Variants in MAP3K15 observed in about 807,000 individuals in gnomAD.
MAP3K15 encodes mitogen-activated protein kinase kinase kinase 15.
In MAP3K15, 124 loss-of-function variants were observed where a neutral mutation model predicts 99.5. The observed-to-expected ratio is 1.25, with a 90% CI of 1.08 to 1.45. The LOEUF is 1.45. Ranked by LOEUF, MAP3K15 falls within the 40% of genes most tolerant of loss-of-function variation. The pLI, the probability that MAP3K15 is intolerant of heterozygous loss-of-function variation, is 0.00. For synonymous variants in MAP3K15, 494 were observed against 439.6 expected (o/e 1.12, Z -1.55); for missense variants, 1,242 against 1,079.7 (o/e 1.15, Z -2.11).
intron 6 of MAP3K15, among the ~76,000 whole-genome samples, chrX:19,451,819 T>G (rs1037684653): frequency 9.1e-5 from 10 of 109,395 alleles, no homozygotes; most frequent in African/African-American, 3.3e-4. Context: ...ATCTCAGCAC[T>G]TTGGGAGGTT....
intron 1 of MAP3K15, among the ~76,000 whole-genome samples, chrX:19,505,124 G>T (rs899822811): frequency 1.8e-5 from 2 of 110,356 alleles, no homozygotes; most frequent in Admixed American, 2.0e-4. Context: ...CATGAAGGAA[G>T]ATAAAATGTC....
rs182589249 is a variant in MAP3K15 at position 19,415,175 on chromosome X, G to T, written c.1522C>A (p.Arg508=). 1 of 1,178,388 alleles carries T rather than the reference G, an allele frequency of 8.5e-7. No homozygotes were observed. The highest frequency in any genetic ancestry group is 2.3e-5 in the Admixed American group (1 of 42,574). ...ATTATATCTAACCAGAAGTTCAGCC[G>T]CTCTTGCCTGGGCGAGTGTTCAATA... ...TIIEHSPRQE[R]LNFWLDIIFE... is the part of the protein sequence containing the mutation. Residue 508 remains arginine (R), a synonymous_variant, in exon 10 of 29, where the codon CGG becomes AGG. Transcript: ENST00000338883.
intron 1 of MAP3K15, chrX:19,496,732 C>T (rs1478497131): frequency 1.8e-5 from 2 of 111,532 alleles, no homozygotes; most frequent in East Asian, 5.6e-4. Flanking sequence ...AGGGAACCAT[C>T]GCTTTTACAT....
intron 13 of MAP3K15, among the ~76,000 whole-genome samples, chrX:19,403,219 T>C (rs1239189266): frequency 9.0e-6 from 1 of 110,942 alleles, no homozygotes; most frequent in East Asian, 2.8e-4. Context: ...TACAAACTTG[T>C]TTATACGTTA....
intron 6 of MAP3K15, among the ~76,000 whole-genome samples, chrX:19,447,026 C>G (rs1012520959): frequency 9.0e-6 from 1 of 111,037 alleles, no homozygotes; most frequent in Non-Finnish European, 1.9e-5. Context: ...TGCGCTACTC[C>G]TGCCTCAGTC....
chrX:19,374,772 C>A, intron 19 of MAP3K15, 112 bp from the exon 20 acceptor site: 2 of 662,185 alleles, frequency 3.0e-6, no homozygotes, highest in South Asian at 3.4e-5. Context: ...CAGGCATAAT[C>A]CATGCCCCCT....
chrX:19,490,883 C>T (rs976166039), intron 1 of MAP3K15, among the ~76,000 whole-genome samples: 2 of 111,473 alleles, frequency 1.8e-5, no homozygotes, highest in Admixed American at 1.9e-4. Context: ...TATGGGGCAC[C>T]GTTTTAAAAC....
At chrX:19,492,597 C>T (rs974493190) in intron 1 of MAP3K15, among the ~76,000 whole-genome samples, 4 of 111,432 alleles carry the variant, frequency 3.6e-5, no homozygotes, top group Admixed American at 1.9e-4. Flanking sequence ...CAAGATAATG[C>T]GCCACTGCAG....
At chrX:19,474,507 G>C (rs1420308952) in intron 3 of MAP3K15, among the ~76,000 whole-genome samples, 6 of 85,399 alleles carry the variant, frequency 7.0e-5, no homozygotes, top group Non-Finnish European at 1.3e-4. Context: ...AAGGGACTAG[G>C]AGTTCTAAAC....
chrX:19,488,875 C>T lies in MAP3K15; in HGVS notation c.454G>A (p.Val152Met). Residue 152 changes from valine (V) to methionine (M), a missense_variant, in exon 2 of 29, where the codon GTG (valine) becomes ATG (methionine). Physicochemically the swap from Val to Met is conservative, Grantham distance 21. Transcript: ENST00000338883. ...GCATCGGTGTCATGGTACAAGATCA[C>T]ATTATTGGCCATGTCAAAGCTTTCT... is the stretch of plus-strand genomic sequence containing the variant. ...VRESFDMANN[V>M]ILYHDTDADT... 1 of 1,198,919 alleles carries T rather than the reference C, an allele frequency of 8.3e-7. No homozygotes were observed. The highest frequency in any genetic ancestry group is 1.8e-5 in the South Asian group (1 of 56,888).
chrX:19,482,277 A>G (rs1466402113), intron 3 of MAP3K15: 2 of 110,549 alleles, frequency 1.8e-5, no homozygotes, highest in Non-Finnish European at 3.8e-5. Flanking sequence ...CCACACAAAG[A>G]TTTGCACTCG....
intron 14 of MAP3K15, among the ~76,000 whole-genome samples, chrX:19,398,616 G>A (rs1240232860): frequency 9.0e-6 from 1 of 111,301 alleles, no homozygotes; most frequent in Non-Finnish European, 1.9e-5. Context: ...GCATATAATT[G>A]GCTCACCTTT....
intron 13 of MAP3K15, among the ~76,000 whole-genome samples, chrX:19,405,888 C>T (rs1303668004): frequency 1.8e-5 from 2 of 112,304 alleles, no homozygotes; most frequent in Non-Finnish European, 3.8e-5. Context: ...TGAAACTTTC[C>T]TATGGCTGTA....
intron 15 of MAP3K15, among the ~76,000 whole-genome samples, chrX:19,396,830 A>G (rs2063570754): frequency 9.0e-6 from 1 of 111,535 alleles, no homozygotes. Flanking sequence ...CCAACTGTGT[A>G]TGTAGCTTCT....
chrX:19,450,888 A>C (rs1399807910), intron 6 of MAP3K15, among the ~76,000 whole-genome samples: 1 of 7,350 alleles, frequency 1.4e-4, no homozygotes, highest in Non-Finnish European at 3.1e-4. Flanking sequence ...TTCATTTATC[A>C]AAAAAAAAAA....
chrX:19,463,877 G>A (rs1320033726), intron 4 of MAP3K15, among the ~76,000 whole-genome samples: 7 of 109,504 alleles, frequency 6.4e-5, no homozygotes, highest in Non-Finnish European at 9.5e-5. Context: ...TGAAACACAG[G>A]ATCTCAGAGC....
chrX:19,486,476 A>T lies in MAP3K15; in HGVS notation c.525+6T>A. 1.2e-6 allele frequency: 1 copy of T among 835,588 alleles called. No homozygotes were observed. The highest frequency in any genetic ancestry group is 1.6e-6 in the Non-Finnish European group (1 of 610,942). The allele number at this position is 835,588 out of a possible 1,213,427, so 68.9% of individuals were successfully genotyped here. ...GAATTAAAATTCTGAAAATGTTAAT[A>T]CTTACTGTGTTTTTTTGAGTTACCA... On this transcript the variant is annotated splice_donor_region_variant and intron_variant, in intron 3 of 28. Coordinates refer to ENST00000338883, the MANE Select transcript of MAP3K15 (RefSeq NM_001001671.4).
At chrX:19,466,082 G>C (rs2064167197) in intron 3 of MAP3K15, among the ~76,000 whole-genome samples, 1 of 110,549 alleles carries the variant, frequency 9.0e-6, no homozygotes, top group Non-Finnish European at 1.9e-5. Flanking sequence ...GCCTCCCAAA[G>C]GGTTGGGATT....
At chrX:19,492,915 C>T (rs1309765765) in intron 1 of MAP3K15, among the ~76,000 whole-genome samples, 7 of 110,966 alleles carry the variant, frequency 6.3e-5, no homozygotes, top group Non-Finnish European at 1.3e-4. Context: ...TGCAGTGAGC[C>T]AAGGTTGCAC....
Sources: allele counts gnomAD v4.1 joint callset (sites outside exome capture counted in the v4.1 genomes callset), GRCh38; gene constraint gnomAD v4.1.1; transcripts MANE v1.5; gene names NCBI Gene and HGNC (gene_info 2026-07-23, HGNC 2026-07-21).